The following EYS variants were observed in gnomAD, a reference collection of about 807,000 sequenced individuals.
The protein encoded by EYS is EGF-like photoreceptor maintenance factor, also known as protein eyes shut homolog.
Under a neutral mutation model 282.1 loss-of-function variants are expected in EYS, and 250 were observed. That is an observed-to-expected ratio of 0.89 (90% confidence interval 0.80 to 0.98). EYS has a LOEUF of 0.98. Ranked by LOEUF, EYS falls within the 50% of genes least tolerant of loss-of-function variation. The pLI, the probability that EYS is intolerant of heterozygous loss-of-function variation, is 0.00. For missense variants in EYS, 4,016 were observed against 3,709.0 expected, an observed-to-expected ratio of 1.08 and a Z score of -2.15; for synonymous variants, 1,355 against 1,282.9, an observed-to-expected ratio of 1.06 and a Z score of -1.20.
intron 1 of EYS, among the ~76,000 whole-genome samples, chr6:65,654,171 A>C (rs978628515): frequency 1.3e-5 from 2 of 151,936 alleles, no homozygotes; most frequent in African/African-American, 4.8e-5. Context: ...TAGTTCTCAA[A>C]ACAATTTTCT....
intron 1 of EYS, among the ~76,000 whole-genome samples, chr6:65,700,114 CAAAAA>C (rs1178482636): frequency 3.9e-5 from 2 of 51,794 alleles, no homozygotes; most frequent in African/African-American, 1.9e-4. Flanking sequence ...GACTCCGTCT[CAAAAA>C]AAAAAAAAAA....
intron 1 of EYS, among the ~76,000 whole-genome samples, chr6:65,653,580 C>T (rs561115646): frequency 2.0e-4 from 31 of 151,914 alleles, no homozygotes; most frequent in Non-Finnish European, 2.9e-4. Flanking sequence ...AATTGATTTG[C>T]GGGCAATCCA....
intron 26 of EYS, among the ~76,000 whole-genome samples, chr6:64,442,493 C>A (rs548432124): frequency 2.4e-4 from 36 of 152,292 alleles, no homozygotes; most frequent in Admixed American, 2.2e-3. Context: ...AATGTTAATC[C>A]CCCAAGATAA....
At chr6:65,318,319 G>T (rs1769371517) in intron 11 of EYS, among the ~76,000 whole-genome samples, 1 of 151,918 alleles carries the variant, frequency 6.6e-6, no homozygotes, top group Non-Finnish European at 1.5e-5. Context: ...GAGACAGAGA[G>T]AACAAGAGAG....
At chr6:65,100,626 A>G (rs1774868393) in intron 12 of EYS, among the ~76,000 whole-genome samples, 1 of 150,910 alleles carries the variant, frequency 6.6e-6, no homozygotes. Flanking sequence ...ACTTTGTTAT[A>G]TTTTGTTTTG....
intron 26 of EYS, among the ~76,000 whole-genome samples, chr6:64,450,531 C>G (rs1333918970): frequency 6.6e-6 from 1 of 152,148 alleles, no homozygotes; most frequent in Non-Finnish European, 1.5e-5. Context: ...ACAGAACTCT[C>G]CACCCCAAAT....
intron 19 of EYS, among the ~76,000 whole-genome samples, chr6:64,881,392 G>A (rs1295436584): frequency 6.6e-6 from 1 of 151,752 alleles, no homozygotes; most frequent in Admixed American, 6.6e-5. Context: ...TCATCTGTGG[G>A]AAAATTCAAC....
At chr6:64,101,688 T>C (rs2150259404) in intron 31 of EYS, among the ~76,000 whole-genome samples, 1 of 152,146 alleles carries the variant, frequency 6.6e-6, no homozygotes, top group Admixed American at 6.5e-5. Flanking sequence ...TGGAAGACAT[T>C]CTCCAAAGAC....
At chr6:65,029,533 T>G (rs1772532058) in intron 13 of EYS, among the ~76,000 whole-genome samples, 1 of 151,506 alleles carries the variant, frequency 6.6e-6, no homozygotes, top group Admixed American at 6.6e-5. Flanking sequence ...TTACATGGAG[T>G]GTGCCTGCCT....
At chr6:65,396,883 C>T (rs1444266329) in intron 7 of EYS, among the ~76,000 whole-genome samples, 1 of 151,740 alleles carries the variant, frequency 6.6e-6, no homozygotes, top group Non-Finnish European at 1.5e-5. Context: ...TAACATCTGC[C>T]ATCCTATCTA....
At chr6:64,303,697 C>T (rs1249658956) in intron 30 of EYS, among the ~76,000 whole-genome samples, 6 of 151,384 alleles carry the variant, frequency 4.0e-5, no homozygotes, top group East Asian at 3.9e-4. Flanking sequence ...AAAAATTAGC[C>T]GGGCATGGTG....
intron 5 of EYS, among the ~76,000 whole-genome samples, chr6:65,488,246 G>T (rs1426177476): frequency 6.6e-6 from 1 of 151,972 alleles, no homozygotes; most frequent in Non-Finnish European, 1.5e-5. Flanking sequence ...TGCTTCTCTA[G>T]TTCTTTTAAT....
chr6:64,929,442 AAAT>A (rs1332900698), intron 15 of EYS, among the ~76,000 whole-genome samples: 2 of 152,160 alleles, frequency 1.3e-5, no homozygotes, highest in Non-Finnish European at 2.9e-5. Context: ...GCCTGTCTTC[AAAT>A]AATATGCCAC....
chr6:65,547,818 T>C (rs1021907458), intron 2 of EYS, among the ~76,000 whole-genome samples: 13 of 152,192 alleles, frequency 8.5e-5, no homozygotes, highest in African/African-American at 2.9e-4. Flanking sequence ...CTGTACTCCC[T>C]GAAACAGAGA....
intron 40 of EYS, among the ~76,000 whole-genome samples, chr6:63,770,400 TA>T (rs1001618546): frequency 6.6e-6 from 1 of 152,136 alleles, no homozygotes; most frequent in African/African-American, 2.4e-5. Context: ...GCTGGATCTG[TA>T]AAAAAGTTCT....
intron 33 of EYS, among the ~76,000 whole-genome samples, chr6:64,021,166 A>G (rs893081010): frequency 3.3e-5 from 5 of 151,916 alleles, no homozygotes; most frequent in African/African-American, 4.8e-5. Context: ...GGAAAAAAAA[A>G]AAGCCTTTTC....
rs567931706 is a variant in EYS at position 65,631,322 on chromosome 6, G to A, written c.-333+8456C>T. Reference sequence around the variant, plus strand: ...AGTCCGTGAGGTGGGGTGGAAGAATGCATATCATTTCTGGACCAAAGTACT... The same window carrying A: ...AGTCCGTGAGGTGGGGTGGAAGAATACATATCATTTCTGGACCAAAGTACT... On this transcript the variant is annotated intron_variant, in intron 2 of 42. Coordinates refer to ENST00000503581, the MANE Select transcript of EYS (RefSeq NM_001142800.2). Among the ~76,000 whole-genome samples the A allele has an allele frequency of 4.6e-5, 7 of 152,268 alleles. No homozygotes were observed. The East Asian group carries it at 5.8e-4, about 13-fold the overall frequency.
At chr6:64,984,823 T>C (rs995265788) in intron 14 of EYS, among the ~76,000 whole-genome samples, 1 of 151,424 alleles carries the variant, frequency 6.6e-6, no homozygotes, top group African/African-American at 2.4e-5. Flanking sequence ...AGCCTTACTG[T>C]AGCAAAATCA....
At chr6:65,207,544 A>C (rs776875765) in intron 12 of EYS, among the ~76,000 whole-genome samples, 4 of 151,778 alleles carry the variant, frequency 2.6e-5, no homozygotes, top group Non-Finnish European at 4.4e-5. Flanking sequence ...ATTCATATGA[A>C]ACCACACAAG....
Sources: gnomAD v4.1 joint callset for allele counts (sites outside exome capture counted in the v4.1 genomes callset) on GRCh38, gnomAD v4.1.1 for gene constraint, MANE v1.5 for transcripts, NCBI Gene and HGNC (gene_info 2026-07-23, HGNC 2026-07-21) for gene names.